The following RBFOX1 variants were observed in gnomAD, a reference collection of about 807,000 sequenced individuals.
The protein encoded by RBFOX1 is RNA binding protein fox-1 homolog 1.
In RBFOX1, 8 loss-of-function variants were observed where a neutral mutation model predicts 57.7. The observed-to-expected ratio is 0.14, with a 90% CI of 0.08 to 0.25. The LOEUF is 0.25. Among genes scored for constraint, RBFOX1 ranks in the 10% least tolerant of loss-of-function variants. The pLI is 1.00. For synonymous variants in RBFOX1, 326 were observed against 222.4 expected (o/e 1.47, Z -4.15); for missense variants, 611 against 548.5 (o/e 1.11, Z -1.14).
intron 1 of RBFOX1, among the ~76,000 whole-genome samples, chr16:6,035,304 C>A (rs760067334): frequency 6.6e-6 from 1 of 152,188 alleles, no homozygotes; most frequent in Admixed American, 6.5e-5. Context: ...TCCATTCAGC[C>A]GTCTCAGCCA....
At chr16:5,955,987 C>T (rs1031762352) in intron 4 of RBFOX1, among the ~76,000 whole-genome samples, 3 of 152,146 alleles carry the variant, frequency 2.0e-5, no homozygotes, top group African/African-American at 4.8e-5. Context: ...ATTGGCCATG[C>T]ATGGTGGCTC....
At chr16:7,569,987 T>C (rs1253270565) in intron 5 of RBFOX1, among the ~76,000 whole-genome samples, 1 of 152,180 alleles carries the variant, frequency 6.6e-6, no homozygotes, top group Non-Finnish European at 1.5e-5. Context: ...TTTCAAAGGC[T>C]AAATATAAAT....
chr16:6,604,574 G>C (rs543482742), intron 2 of RBFOX1, among the ~76,000 whole-genome samples: 5 of 152,200 alleles, frequency 3.3e-5, no homozygotes, highest in East Asian at 1.9e-4. Context: ...TAGGTAAATA[G>C]CAAGGTAAAG....
At chr16:6,924,989 C>T (rs961013354) in intron 3 of RBFOX1, among the ~76,000 whole-genome samples, 15 of 151,542 alleles carry the variant, frequency 9.9e-5, no homozygotes, top group African/African-American at 3.6e-4. Flanking sequence ...TTTCCAGTTT[C>T]ATCCATGTCC....
chr16:5,911,873 C>G (rs1414196763), intron 4 of RBFOX1, among the ~76,000 whole-genome samples: 2 of 152,234 alleles, frequency 1.3e-5, no homozygotes, highest in East Asian at 3.9e-4. Flanking sequence ...CTCATACCCT[C>G]CCTAAAGCCC....
At position 7,633,485 on chromosome 16, in the gene RBFOX1, C is replaced by T. The variant is rs112979874; in HGVS notation, c.757+2802C>T. Among the ~76,000 whole-genome samples the T allele has an allele frequency of 6.1e-3, 925 of 152,164 alleles. 7 individuals carry two copies. Among genetic ancestry groups the T allele is most frequent in the Middle Eastern group, 0.034 (10 of 294 alleles). On this transcript the variant is annotated intron_variant, in intron 11 of 15. Transcript: ENST00000550418. ...TTATATTTTAATCTATTCCCCCATT[C>T]TTGAGAACTTAGGTTCATAGCAATT...
intron 1 of RBFOX1, among the ~76,000 whole-genome samples, chr16:6,123,468 G>A (rs1263717473): frequency 1.3e-5 from 2 of 152,168 alleles, no homozygotes; most frequent in African/African-American, 2.4e-5. Context: ...CTTAGAAACT[G>A]AAAGTAGAAT....
chr16:7,409,947 G>A (rs548963833), intron 4 of RBFOX1, among the ~76,000 whole-genome samples: 1 of 152,160 alleles, frequency 6.6e-6, no homozygotes. Context: ...CCTGTGGTCT[G>A]AGCTGACATT....
intron 3 of RBFOX1, among the ~76,000 whole-genome samples, chr16:6,834,401 G>T (rs1399445499): frequency 6.6e-6 from 1 of 152,198 alleles, no homozygotes; most frequent in South Asian, 2.1e-4. Flanking sequence ...ATTTTAATAA[G>T]ATCTCTTGGG....
intron 3 of RBFOX1, among the ~76,000 whole-genome samples, chr16:6,742,011 AGT>A (rs1039299805): frequency 1.1e-4 from 17 of 152,314 alleles, no homozygotes; most frequent in African/African-American, 3.1e-4. Context: ...AAAAATTATA[AGT>A]GTGTGTGGTT....
At chr16:6,012,845 A>C (rs2094969784) in intron 4 of RBFOX1, among the ~76,000 whole-genome samples, 2 of 152,214 alleles carry the variant, frequency 1.3e-5, no homozygotes. Context: ...CTGGAAGTAA[A>C]GAAAAAAATG....
chr16:7,388,429 T>C (rs150304735), intron 4 of RBFOX1, among the ~76,000 whole-genome samples: 74 of 152,270 alleles, frequency 4.9e-4, no homozygotes, highest in African/African-American at 1.7e-3. Flanking sequence ...GTGTGCAATA[T>C]ATGGGCTTTG....
At chr16:6,424,724 T>C (rs2093877053) in intron 2 of RBFOX1, among the ~76,000 whole-genome samples, 2 of 152,222 alleles carry the variant, frequency 1.3e-5, no homozygotes, top group South Asian at 4.1e-4. Flanking sequence ...GCAACCTCAA[T>C]GTTCAACTAT....
chr16:6,091,819 A>G (rs1434418728), intron 1 of RBFOX1, among the ~76,000 whole-genome samples: 1 of 152,216 alleles, frequency 6.6e-6, no homozygotes, highest in East Asian at 1.9e-4. Context: ...TGACACAGTG[A>G]GACTCTGTCT....
chr16:7,460,948 A>T (rs746238216), intron 4 of RBFOX1, among the ~76,000 whole-genome samples: 39 of 152,178 alleles, frequency 2.6e-4, no homozygotes, highest in African/African-American at 9.4e-4. Flanking sequence ...ACCCATCAAC[A>T]TGGAATAATC....
intron 1 of RBFOX1, among the ~76,000 whole-genome samples, chr16:6,153,519 C>T (rs2096815445): frequency 6.6e-6 from 1 of 152,030 alleles, no homozygotes; most frequent in South Asian, 2.1e-4. Flanking sequence ...CCTCCAAGTT[C>T]CCAAAGTCCA....
rs918133189 is a variant in RBFOX1 at position 7,096,111 on chromosome 16, C to T, written c.27+44013C>T. On this transcript the variant is annotated intron_variant, in intron 4 of 15. Transcript: ENST00000550418. Reference sequence around the variant, plus strand: ...TGCTAAGTTCTGACGACCCAGGAGACATGATATGATCCCAATCTTCATATA... The same window carrying T: ...TGCTAAGTTCTGACGACCCAGGAGATATGATATGATCCCAATCTTCATATA... Among the ~76,000 whole-genome samples, 8 of 151,872 alleles carry T rather than the reference C, an allele frequency of 5.3e-5. No homozygotes were observed. In the East Asian group the frequency reaches 1.5e-3, roughly 29 times the overall value.
chr16:5,701,858 C>A (rs1024417659), intron 3 of RBFOX1, among the ~76,000 whole-genome samples: 1 of 152,122 alleles, frequency 6.6e-6, no homozygotes, highest in African/African-American at 2.4e-5. Context: ...GTTTAAATGC[C>A]CATTTTGAAT....
chr16:5,308,945 G>C (rs1468122610), intron 1 of RBFOX1, among the ~76,000 whole-genome samples: 1 of 152,172 alleles, frequency 6.6e-6, no homozygotes, highest in African/African-American at 2.4e-5. Context: ...GGGCTTGGGA[G>C]TTCTAGGTCT....
Sources: gnomAD v4.1 joint callset for allele counts (sites outside exome capture counted in the v4.1 genomes callset) on GRCh38, gnomAD v4.1.1 for gene constraint, MANE v1.5 for transcripts, NCBI Gene and HGNC (gene_info 2026-07-23, HGNC 2026-07-21) for gene names.